The following GALNT13 variants were observed in gnomAD, a reference collection of about 807,000 sequenced individuals.
GALNT13 encodes the protein UDP-GalNAc:polypeptide N-acetylgalactosaminyltransferase 13.
GALNT13 carries 28 observed loss-of-function variants against 64.2 expected under a neutral mutation model. The ratio of observed to expected loss-of-function variants is 0.44; its 90% CI spans 0.32 to 0.60. The LOEUF (loss-of-function observed/expected upper bound fraction) is 0.60, where lower values mean the gene tolerates loss of function less well. Among genes scored for constraint, GALNT13 ranks in the 20% least tolerant of loss-of-function variants. The pLI is 0.05. For synonymous variants in GALNT13, 214 were observed against 224.6 expected, an observed-to-expected ratio of 0.95 and a Z score of 0.42; for missense variants, 577 against 669.8, an observed-to-expected ratio of 0.86 and a Z score of 1.53.
At chr2:153,932,141 T>C (rs184061839) in intron 2 of GALNT13, among the ~76,000 whole-genome samples, 9 of 152,300 alleles carry the variant, frequency 5.9e-5, no homozygotes, top group Admixed American at 5.2e-4. Flanking sequence ...AGTGATAATG[T>C]CTCCTTTGTC....
chr2:153,827,294 A>G, the GALNT13 span, among the ~76,000 whole-genome samples: 1 of 152,098 alleles, frequency 6.6e-6, no homozygotes, highest in Non-Finnish European at 1.5e-5. Flanking sequence ...TCCTCCCATG[A>G]CACATGGGAA....
At chr2:154,203,177 G>C (rs1347905733) in intron 4 of GALNT13, among the ~76,000 whole-genome samples, 1 of 152,096 alleles carries the variant, frequency 6.6e-6, no homozygotes, top group East Asian at 1.9e-4. Flanking sequence ...AATTCATTTT[G>C]AGCACTCATA....
At chr2:153,096,188 T>C in the GALNT13 span, among the ~76,000 whole-genome samples, 1 of 152,172 alleles carries the variant, frequency 6.6e-6, no homozygotes. Flanking sequence ...ATTATTCATG[T>C]TATTCTAGTC....
chr2:153,167,821 A>C, the GALNT13 span, among the ~76,000 whole-genome samples: 1 of 152,336 alleles, frequency 6.6e-6, no homozygotes, highest in Non-Finnish European at 1.5e-5. Context: ...TTTTAGAAGA[A>C]AGATTTCAAA....
At chr2:153,990,012 ATT>A (rs1219350781) in intron 3 of GALNT13, among the ~76,000 whole-genome samples, 1 of 152,084 alleles carries the variant, frequency 6.6e-6, no homozygotes, top group Non-Finnish European at 1.5e-5. Context: ...TATCGAAGTA[ATT>A]TTTCTTATCC....
chr2:154,346,066 C>A (rs1392909663), intron 9 of GALNT13, among the ~76,000 whole-genome samples: 1 of 151,834 alleles, frequency 6.6e-6, no homozygotes, highest in Non-Finnish European at 1.5e-5. Context: ...ACCTTTAGTT[C>A]TGAGACTCAG....
At chr2:153,513,495 C>G in the GALNT13 span, among the ~76,000 whole-genome samples, 310 of 152,286 alleles carry the variant, frequency 2.0e-3, no homozygotes, top group Non-Finnish European at 3.5e-3. Flanking sequence ...ATAATCTGAG[C>G]AAATTTTCAC....
At chr2:154,043,355 G>T (rs570669904) in intron 3 of GALNT13, among the ~76,000 whole-genome samples, 10 of 146,522 alleles carry the variant, frequency 6.8e-5, no homozygotes, top group Non-Finnish European at 1.5e-4. Flanking sequence ...ACATAACTGG[G>T]TTACTCTGAA....
chr2:153,633,387 T>A, the GALNT13 span, among the ~76,000 whole-genome samples: 1 of 152,190 alleles, frequency 6.6e-6, no homozygotes, highest in Non-Finnish European at 1.5e-5. Context: ...AGTAGTCATT[T>A]TTTTCCCATT....
the GALNT13 span, among the ~76,000 whole-genome samples, chr2:153,259,757 T>G: frequency 6.6e-6 from 1 of 152,206 alleles, no homozygotes; most frequent in South Asian, 2.1e-4. Flanking sequence ...CCATTAAACC[T>G]CTTTTTCCTT....
intron 3 of GALNT13, among the ~76,000 whole-genome samples, chr2:154,097,148 GC>G (rs549195683): frequency 1.6e-3 from 245 of 152,042 alleles, no homozygotes; most frequent in African/African-American, 5.6e-3. Context: ...TTAAATTAAT[GC>G]TAAACTATTG....
chr2:154,378,922 C>G (rs1698129629), intron 9 of GALNT13, among the ~76,000 whole-genome samples: 1 of 152,044 alleles, frequency 6.6e-6, no homozygotes, highest in Non-Finnish European at 1.5e-5. Flanking sequence ...CTTGGATTGT[C>G]AAGACTCTTC....
At chr2:154,354,549 T>C (rs1217321908) in intron 9 of GALNT13, among the ~76,000 whole-genome samples, 1 of 151,818 alleles carries the variant, frequency 6.6e-6, no homozygotes, top group Non-Finnish European at 1.5e-5. Context: ...TTTCAGATCT[T>C]ACATTTAAGT....
chr2:154,277,581 G>A (rs535367707), intron 8 of GALNT13, among the ~76,000 whole-genome samples: 1 of 152,042 alleles, frequency 6.6e-6, no homozygotes, highest in Non-Finnish European at 1.5e-5. Context: ...AACAATTTCT[G>A]CAATAACAGA....
At chr2:153,104,982 C>T in the GALNT13 span, among the ~76,000 whole-genome samples, 2 of 150,200 alleles carry the variant, frequency 1.3e-5, no homozygotes, top group African/African-American at 2.5e-5. Context: ...GTGTGTGCAC[C>T]CATTAACTCG....
chr2:153,456,500 G>A, the GALNT13 span, among the ~76,000 whole-genome samples: 4 of 152,158 alleles, frequency 2.6e-5, no homozygotes, highest in African/African-American at 9.7e-5. Context: ...AGGGAGTGAT[G>A]TTTACTTGAA....
the GALNT13 span, among the ~76,000 whole-genome samples, chr2:153,214,539 A>G: frequency 2.0e-5 from 3 of 152,324 alleles, no homozygotes; most frequent in Admixed American, 2.0e-4. Flanking sequence ...TGTTGTCACA[A>G]GCAATTACAG....
At chr2:154,384,550 C>T (rs1698417435) in intron 9 of GALNT13, among the ~76,000 whole-genome samples, 1 of 151,772 alleles carries the variant, frequency 6.6e-6, no homozygotes, top group African/African-American at 2.4e-5. Flanking sequence ...ATTACTTTGT[C>T]CCTATTAAAG....
At chr2:153,405,788 C>G in the GALNT13 span, among the ~76,000 whole-genome samples, 1 of 152,064 alleles carries the variant, frequency 6.6e-6, no homozygotes, top group African/African-American at 2.4e-5. Flanking sequence ...CCAGGACATG[C>G]TAATTATGCT....
Sources: allele counts gnomAD v4.1 joint callset (sites outside exome capture counted in the v4.1 genomes callset), GRCh38; gene constraint gnomAD v4.1.1; transcripts MANE v1.5; gene names NCBI Gene and HGNC (gene_info 2026-07-23, HGNC 2026-07-21).